DAB1: variants seen among roughly 807,000 people sequenced by gnomAD.
DAB1 encodes the protein DAB adaptor protein 1, also known as disabled homolog 1.
DAB1 carries 15 observed loss-of-function variants against 64.6 expected under a neutral mutation model. The observed-to-expected ratio is 0.23, with a 90% confidence interval of 0.16 to 0.36. The LOEUF (loss-of-function observed/expected upper bound fraction) is 0.36. Ranked by LOEUF, DAB1 falls within the 10% of genes least tolerant of loss-of-function variation. The pLI, the probability that DAB1 is intolerant of heterozygous loss-of-function variation, is 1.00. For synonymous variants in DAB1, 235 were observed against 251.9 expected (o/e 0.93, Z 0.64); for missense variants, 596 against 706.7 (o/e 0.84, Z 1.78).
At chr1:57,305,968 CAAA>C (rs1048177276) in intron 1 of DAB1, among the ~76,000 whole-genome samples, 5 of 62,282 alleles carry the variant, frequency 8.0e-5, no homozygotes, top group African/African-American at 6.7e-5. Context: ...GACTCCGTCT[CAAA>C]AAAAAAAAAA....
At chr1:58,045,586 C>T (rs944577688) in intron 5 of DAB1, among the ~76,000 whole-genome samples, 12 of 152,044 alleles carry the variant, frequency 7.9e-5, no homozygotes, top group Non-Finnish European at 1.3e-4. Flanking sequence ...TCCTAACCTG[C>T]CATTTTAAAA....
At chr1:57,053,065 G>A (rs1427894774) in intron 9 of DAB1, among the ~76,000 whole-genome samples, 1 of 152,166 alleles carries the variant, frequency 6.6e-6, no homozygotes, top group African/African-American at 2.4e-5. Context: ...CATATTACCT[G>A]TGAGTCTCAC....
At chr1:57,858,269 T>C (rs984116953) in intron 1 of DAB1, among the ~76,000 whole-genome samples, 12 of 152,180 alleles carry the variant, frequency 7.9e-5, no homozygotes, top group African/African-American at 2.7e-4. Context: ...ATTGGGAGAT[T>C]ATGGCTCCAT....
chr1:57,563,041 A>C (rs1409159352), intron 7 of DAB1, among the ~76,000 whole-genome samples: 1 of 152,172 alleles, frequency 6.6e-6, no homozygotes, highest in Non-Finnish European at 1.5e-5. Flanking sequence ...ACAGCAGCCC[A>C]ATCTGGGCAG....
chr1:57,980,532 C>T (rs1167700639), intron 5 of DAB1, among the ~76,000 whole-genome samples: 1 of 152,154 alleles, frequency 6.6e-6, no homozygotes, highest in Non-Finnish European at 1.5e-5. Context: ...TGCACCCACT[C>T]ATGCTTTCTT....
At chr1:57,309,438 C>T (rs1328204400) in intron 1 of DAB1, among the ~76,000 whole-genome samples, 2 of 152,168 alleles carry the variant, frequency 1.3e-5, no homozygotes, top group African/African-American at 4.8e-5. Context: ...TTTCAAAAAG[C>T]ATAAAAGTGT....
intron 4 of DAB1, among the ~76,000 whole-genome samples, chr1:58,288,046 G>GA (rs1251305784): frequency 3.4e-4 from 38 of 111,874 alleles, no homozygotes; most frequent in African/African-American, 1.2e-3. Flanking sequence ...AAAAAAAAAA[G>GA]AAAAAAAAGA....
In DAB1 at chr1:58,424,556, T is replaced by C. The variant is rs555924424; in HGVS notation, n.258-81153A>G. On this transcript the variant is annotated intron_variant and non_coding_transcript_variant, in intron 3 of 20. Transcript: ENST00000485760. The stretch of plus-strand genomic sequence containing the variant: ...CAAACACACTCCTTACCGTTAATTA[T>C]ACTCTCTCTGTTTAAATATCTTTCG... Among the ~76,000 whole-genome samples the C allele has an allele frequency of 4.3e-4, 65 of 152,240 alleles. 1 individual carries two copies. Among genetic ancestry groups the C allele is most frequent in the Non-Finnish European group, 6.5e-4 (44 of 68,048 alleles).
intron 4 of DAB1, among the ~76,000 whole-genome samples, chr1:58,251,709 G>T (rs1660803483): frequency 6.6e-6 from 1 of 152,248 alleles, no homozygotes; most frequent in Admixed American, 6.5e-5. Context: ...TATGGGTAAA[G>T]ATCAGTAAGG....
chr1:57,366,345 G>T (rs192067759), intron 1 of DAB1, among the ~76,000 whole-genome samples: 1 of 152,134 alleles, frequency 6.6e-6, no homozygotes, highest in Non-Finnish European at 1.5e-5. Flanking sequence ...ACCCACCTAC[G>T]TGAACAAGAT....
At chr1:57,485,938 C>T (rs1276473368) in intron 7 of DAB1, among the ~76,000 whole-genome samples, 1 of 152,166 alleles carries the variant, frequency 6.6e-6, no homozygotes, top group East Asian at 1.9e-4. Context: ...AAGCTTGCTG[C>T]ATTTCTTTTT....
intron 1 of DAB1, among the ~76,000 whole-genome samples, chr1:57,405,610 T>C (rs1398310051): frequency 6.6e-6 from 1 of 152,222 alleles, no homozygotes; most frequent in Non-Finnish European, 1.5e-5. Context: ...TGTCTAGCTT[T>C]TCTTGAAAAA....
At chr1:57,329,476 C>T (rs189463972) in intron 1 of DAB1, among the ~76,000 whole-genome samples, 308 of 151,776 alleles carry the variant, frequency 2.0e-3, no homozygotes, top group Non-Finnish European at 3.0e-3. Flanking sequence ...GTTGCCTTTC[C>T]GGTTTTTTTG....
Position 58,142,432 on chromosome 1 carries a change from G to A in DAB1, n.387+8079C>T, listed in dbSNP as rs1277156337. Among the ~76,000 whole-genome samples, 3 of 152,212 alleles carry A rather than the reference G, an allele frequency of 2.0e-5. No homozygotes were observed. In the East Asian group the frequency reaches 5.8e-4, roughly 29 times the overall value. ...CCTGAAAGGGGACTGAGGGGACTGAGTGGTGGCGTTTTTGTTTCTGCAGGA... is the reference window on the plus strand; with the variant it reads ...CCTGAAAGGGGACTGAGGGGACTGAATGGTGGCGTTTTTGTTTCTGCAGGA... On this transcript the variant is annotated intron_variant and non_coding_transcript_variant, in intron 5 of 20. Coordinates refer to the DAB1 transcript ENST00000485760.
intron 1 of DAB1, among the ~76,000 whole-genome samples, chr1:57,339,173 C>T (rs1203718279): frequency 1.1e-4 from 14 of 129,516 alleles, no homozygotes; most frequent in South Asian, 7.4e-4. Flanking sequence ...TTTTTTTTTT[C>T]GAGACAGAGT....
chr1:58,155,581 CAG>C (rs1002041767), intron 4 of DAB1, among the ~76,000 whole-genome samples: 1 of 152,178 alleles, frequency 6.6e-6, no homozygotes, highest in Non-Finnish European at 1.5e-5. Context: ...GTGGACAAAA[CAG>C]AAATAAAAAT....
intron 4 of DAB1, among the ~76,000 whole-genome samples, chr1:57,095,907 T>C (rs1344534574): frequency 6.6e-6 from 1 of 152,182 alleles, no homozygotes; most frequent in African/African-American, 2.4e-5. Flanking sequence ...ATTGCAAATA[T>C]GAGAAAGAAT....
At chr1:58,104,067 T>C (rs1427421842) in intron 5 of DAB1, among the ~76,000 whole-genome samples, 1 of 152,200 alleles carries the variant, frequency 6.6e-6, no homozygotes, top group Non-Finnish European at 1.5e-5. Flanking sequence ...AGAGGACCTA[T>C]TTCTAAGAAG....
intron 9 of DAB1, among the ~76,000 whole-genome samples, chr1:57,042,825 A>G (rs955574807): frequency 6.6e-6 from 1 of 152,028 alleles, no homozygotes; most frequent in Non-Finnish European, 1.5e-5. Context: ...ATGTGCATGC[A>G]TGCACACATA....
Sources: allele counts gnomAD v4.1 joint callset (sites outside exome capture counted in the v4.1 genomes callset), GRCh38; gene constraint gnomAD v4.1.1; transcripts MANE v1.5; gene names NCBI Gene and HGNC (gene_info 2026-07-23, HGNC 2026-07-21).